STIL: variants seen among roughly 807,000 people sequenced by gnomAD.
STIL encodes SCL-interrupting locus protein.
STIL carries 55 observed loss-of-function variants against 110.1 expected under a neutral mutation model. The observed-to-expected ratio is 0.50, with a 90% CI of 0.40 to 0.63. STIL has a LOEUF of 0.63. Ranked by LOEUF, STIL falls within the 20% of genes least tolerant of loss-of-function variation. The pLI is 0.00. For missense variants in STIL, 1,358 were observed against 1,530.0 expected (o/e 0.89, Z 1.87); for synonymous variants, 481 against 530.0 (o/e 0.91, Z 1.27).
chr1:47,276,054 G>A (rs866872401), intron 12 of STIL, among the ~76,000 whole-genome samples: 2 of 151,302 alleles, frequency 1.3e-5, no homozygotes, highest in Non-Finnish European at 2.9e-5. Flanking sequence ...CCAGGCTGGA[G>A]TGCAGTGGTG....
At chr1:47,252,368 C>T (rs942825585) in intron 16 of STIL, among the ~76,000 whole-genome samples, 2 of 151,938 alleles carry the variant, frequency 1.3e-5, no homozygotes, top group Non-Finnish European at 2.9e-5. Flanking sequence ...GGCAACAGAA[C>T]AAGACCCTGT....
intron 6 of STIL, among the ~76,000 whole-genome samples, chr1:47,296,959 C>T (rs570121150): frequency 4.6e-5 from 7 of 152,296 alleles, no homozygotes; most frequent in South Asian, 2.1e-4. Flanking sequence ...CCTGAGTTGG[C>T]GTAAGATTTA....
chr1:47,277,636 A>C (rs1439672367), intron 12 of STIL, among the ~76,000 whole-genome samples: 1 of 152,180 alleles, frequency 6.6e-6, no homozygotes, highest in Non-Finnish European at 1.5e-5. Flanking sequence ...TACAAAGCAG[A>C]GCCTGGGTTT....
At chr1:47,261,746 A>C (rs1644491725) in intron 15 of STIL, among the ~76,000 whole-genome samples, 1 of 58,180 alleles carries the variant, frequency 1.7e-5, no homozygotes, top group South Asian at 3.9e-4. Context: ...ACTCTGTCTC[A>C]AAAAAAAAAA....
chr1:47,300,524 A>G (rs1312828036), intron 5 of STIL, among the ~76,000 whole-genome samples: 1 of 151,746 alleles, frequency 6.6e-6, no homozygotes, highest in Non-Finnish European at 1.5e-5. Flanking sequence ...GCTGGAGTGC[A>G]GTGGTGCGAT....
intron 2 of STIL, among the ~76,000 whole-genome samples, chr1:47,308,439 A>C (rs1354333081): frequency 6.9e-6 from 1 of 145,966 alleles, no homozygotes; most frequent in Non-Finnish European, 1.5e-5. Flanking sequence ...AAAAAAAAAG[A>C]ATAAATTCCT....
At chr1:47,282,688 C>T (rs1002109451) in intron 10 of STIL, 14 of 473,916 alleles carry the variant, frequency 3.0e-5, no homozygotes, top group South Asian at 2.9e-4. Flanking sequence ...GCAAGTTTAA[C>T]CTTGTATTGT....
At chr1:47,265,965 G>T (rs1303582323) in intron 14 of STIL, among the ~76,000 whole-genome samples, 1 of 151,774 alleles carries the variant, frequency 6.6e-6, no homozygotes, top group African/African-American at 2.4e-5. Flanking sequence ...ACAGGGTTTC[G>T]CCATGTTACC....
chr1:47,284,156 C>T (rs1473049688), intron 10 of STIL: 2 of 152,168 alleles, frequency 1.3e-5, no homozygotes, highest in Non-Finnish European at 2.9e-5. Flanking sequence ...CCTCTGCCTC[C>T]CGAAGCACTG....
Position 47,251,139 on chromosome 1 carries a change from A to T in STIL, c.3864T>A (p.Phe1288Leu). Residue 1288 changes from phenylalanine to leucine, a missense_variant, in exon 17 of 17, where the codon TTT (phenylalanine) becomes TTA (leucine). Phe to Leu is a conservative substitution (Grantham distance 22). Transcript: ENST00000371877. ...VKRLRQLPKLF is the reference protein window; with the variant it reads ...VKRLRQLPKLL ...AAAAGGGCAGGGAGTTAAAAGGTTA[A>T]AATAATTTTGGTAACTGTCTGAGAC... is the stretch of plus-strand genomic sequence containing the variant. 1 of 1,613,818 alleles carries T rather than the reference A, an allele frequency of 6.2e-7. No individual in the cohort carries two copies. Among genetic ancestry groups the T allele is most frequent in the African/African-American group, 1.3e-5 (1 of 75,040 alleles).
At chr1:47,303,972 T>C (rs1434410154) in intron 3 of STIL, among the ~76,000 whole-genome samples, 1 of 152,190 alleles carries the variant, frequency 6.6e-6, no homozygotes, top group Non-Finnish European at 1.5e-5. Flanking sequence ...TTCCAGGCAC[T>C]GTGACAATTG....
Position 47,250,377 on chromosome 1 carries a change from G to A in STIL, c.*759C>T, listed in dbSNP as rs1046073386. On this transcript the variant is annotated 3_prime_UTR_variant, in exon 17 of 17. Coordinates refer to ENST00000371877, the MANE Select transcript of STIL (RefSeq NM_001048166.1). ...GAAATACACTCTTGTATAAAAGAGT[G>A]TAAGTTTTTATTAAGTTGTTTTTAA... 5.8e-6 allele frequency: 1 copy of A among 173,566 alleles called. No homozygotes were observed. The highest frequency in any genetic ancestry group is 2.4e-5 in the African/African-American group (1 of 42,118). The allele number at this position is 173,566 out of a possible 1,614,324, so 10.8% of individuals were successfully genotyped here.
intron 16 of STIL, among the ~76,000 whole-genome samples, chr1:47,257,123 T>C (rs1019162312): frequency 1.3e-5 from 2 of 152,102 alleles, no homozygotes; most frequent in African/African-American, 4.8e-5. Context: ...CATCAAGGAA[T>C]CTTGCAAATG....
At chr1:47,260,853 ACT>A (rs1174042006) in intron 15 of STIL, among the ~76,000 whole-genome samples, 1 of 152,058 alleles carries the variant, frequency 6.6e-6, no homozygotes, top group Non-Finnish European at 1.5e-5. Flanking sequence ...ACAAAGTGAG[ACT>A]CTGTCTCTAA....
chr1:47,301,776 A>G, intron 4 of STIL, 28 bp from the exon 5 acceptor site: 1 of 1,602,910 alleles, frequency 6.2e-7, no homozygotes, highest in South Asian at 1.1e-5. Context: ...CAGCTATTAT[A>G]CAGCATACTA....
At chr1:47,267,667 TAAAAAAAAAAA>T (rs10713698) in intron 14 of STIL, among the ~76,000 whole-genome samples, 1 of 110,662 alleles carries the variant, frequency 9.0e-6, no homozygotes, top group East Asian at 2.8e-4. Context: ...AGCGAGTATC[TAAAAAAAAAAA>T]AAAAAAAAAA....
intron 7 of STIL, among the ~76,000 whole-genome samples, chr1:47,295,067 A>G (rs1028567573): frequency 1.3e-5 from 2 of 151,872 alleles, no homozygotes; most frequent in African/African-American, 4.8e-5. Context: ...GATTACAGGC[A>G]CGCACCACCA....
chr1:47,255,915 C>T (rs577796274), intron 16 of STIL, among the ~76,000 whole-genome samples: 4 of 152,226 alleles, frequency 2.6e-5, no homozygotes, highest in African/African-American at 7.2e-5. Context: ...ACTCTTCTGG[C>T]GGAATGATGT....
intron 14 of STIL, among the ~76,000 whole-genome samples, chr1:47,264,155 T>C (rs1321835923): frequency 6.6e-6 from 1 of 152,142 alleles, no homozygotes. Flanking sequence ...GGGTCCTTAA[T>C]AAAATAACAC....
Sources: gnomAD v4.1 joint callset for allele counts (sites outside exome capture counted in the v4.1 genomes callset) on GRCh38, gnomAD v4.1.1 for gene constraint, MANE v1.5 for transcripts, NCBI Gene and HGNC (gene_info 2026-07-23, HGNC 2026-07-21) for gene names.